SYNE1: variants seen among roughly 807,000 people sequenced by gnomAD.
The protein encoded by SYNE1 is nesprin-1.
In SYNE1, 616 loss-of-function variants were observed where a neutral mutation model predicts 1,111.0. That is an observed-to-expected ratio of 0.55 (90% CI 0.52 to 0.59). SYNE1 has a LOEUF of 0.59. Ranked by LOEUF, SYNE1 falls within the 20% of genes least tolerant of loss-of-function variation. The pLI is 0.00. For missense variants in SYNE1, 10,006 were observed against 10,417.0 expected (o/e 0.96, Z 1.72); for synonymous variants, 3,855 against 3,825.8 (o/e 1.01, Z -0.28).
At chr6:152,526,317 G>A (rs1053748167) in intron 4 of SYNE1, 142 bp from the exon 5 acceptor site, 3 of 811,694 alleles carry the variant, frequency 3.7e-6, no homozygotes, top group South Asian at 1.5e-5. Context: ...TTTGGATTGA[G>A]TTGCCAATTG....
rs1243405232 is a variant in SYNE1 at position 152,316,775 on chromosome 6, GTGT to G, written c.16710+71_16710+73del. 5 of 1,570,530 alleles carry G rather than the reference GTGT, an allele frequency of 3.2e-6. No individual in the cohort carries two copies. The Admixed American group carries it at 6.8e-5, about 21-fold the overall frequency. ...AAAATTTTACATCACAGCCCTCTAAGTGTTGTGTCAGTCTACCCAGTTAAATCA... is the reference window on the plus strand; with the variant it reads ...AAAATTTTACATCACAGCCCTCTAAGTGTGTCAGTCTACCCAGTTAAATCA... On this transcript the variant is annotated intron_variant, in intron 87 of 145. Transcript: ENST00000367255.
At chr6:152,289,832 T>C (rs941081955) in intron 95 of SYNE1, among the ~76,000 whole-genome samples, 6 of 152,058 alleles carry the variant, frequency 3.9e-5, no homozygotes, top group Admixed American at 3.3e-4. Context: ...TTCACCATGT[T>C]AGCCAGGATG....
At chr6:152,362,099 A>G in intron 64 of SYNE1, 71 bp downstream of exon 64, 1 of 1,611,424 alleles carries the variant, frequency 6.2e-7, no homozygotes. Flanking sequence ...ACGTAATCCC[A>G]TTTTTGTCTG....
chr6:152,389,811 G>A (rs930352556), intron 53 of SYNE1, among the ~76,000 whole-genome samples: 4 of 152,116 alleles, frequency 2.6e-5, no homozygotes, highest in Admixed American at 1.3e-4. Flanking sequence ...ATATTCCCTC[G>A]TCACTGTGAC....
intron 3 of SYNE1, among the ~76,000 whole-genome samples, chr6:152,601,909 G>A (rs142242801): frequency 6.6e-6 from 1 of 152,094 alleles, no homozygotes; most frequent in Non-Finnish European, 1.5e-5. Context: ...CATCCCCGGG[G>A]TTCACCTGGC....
intron 4 of SYNE1, among the ~76,000 whole-genome samples, chr6:152,530,889 C>T (rs1219292397): frequency 6.6e-6 from 1 of 152,056 alleles, no homozygotes; most frequent in Non-Finnish European, 1.5e-5. Context: ...TCCCAAAGTG[C>T]TGGGATTACA....
chr6:152,225,723 T>A lies in SYNE1; in HGVS notation c.21349A>T (p.Met7117Leu), dbSNP rs766914765. 2.8e-5 allele frequency: 45 copies of A among 1,614,044 alleles called. No individual in the cohort carries two copies. The highest frequency in any genetic ancestry group is 3.6e-5 in the Non-Finnish European group (42 of 1,180,012). The change falls in exon 116 of 146, where the codon ATG (methionine) becomes TTG (leucine). Residue 7117 changes from methionine (M) to leucine (L), a missense_variant and splice_region_variant. Met to Leu is a conservative substitution (Grantham distance 15). This residue lies in a region of SYNE1 where 2,182 missense variants were observed against 2,287.8 expected (regional missense o/e 0.95). Coordinates refer to ENST00000367255, the MANE Select transcript of SYNE1 (RefSeq NM_182961.4). ...LGQTWANLDH[M>L]VGQLKILLKS... ...TGGCTTTCTGTGAGCAATATTACCA[T>A]GTGATCTAAATTTGCCCAGGTTTGG...
rs769161116 is a variant in SYNE1, at chr6:152,353,394, C to G, written c.11122G>C (p.Glu3708Gln). 12 of 1,614,156 alleles carry G rather than the reference C, an allele frequency of 7.4e-6. No homozygotes were observed. Among genetic ancestry groups the G allele is most frequent in the Non-Finnish European group, 1.0e-5 (12 of 1,180,026 alleles). Residue 3708 changes from glutamate to glutamine, a missense_variant, in exon 69 of 146, where the codon GAG becomes CAG. Glu to Gln is a conservative substitution (Grantham distance 29, BLOSUM62 2). This residue lies in a region of SYNE1 where 4,955 missense variants were observed against 5,017.2 expected (regional missense o/e 0.99). Transcript: ENST00000367255. ...KFLEEEIQSL[E>Q]ESESSLSSYS... ...GAACTGAGGGATGATTCTGATTCCT[C>G]CAAACTCTGAATCTCCTCCTCCAGG...
intron 2 of SYNE1, among the ~76,000 whole-genome samples, chr6:152,632,964 A>G (rs775316469): frequency 6.6e-6 from 1 of 152,152 alleles, no homozygotes; most frequent in Non-Finnish European, 1.5e-5. Flanking sequence ...TTCCAAAACC[A>G]ATAGCAGCAC....
chr6:152,555,940 C>T (rs1256391823), intron 3 of SYNE1, among the ~76,000 whole-genome samples: 1 of 152,140 alleles, frequency 6.6e-6, no homozygotes, highest in African/African-American at 2.4e-5. Context: ...GTTCAGCTAC[C>T]TATGTCCTGA....
rs760345336 is a variant in SYNE1 at position 152,425,364 on chromosome 6, T to C, written c.5267+17A>G. 23 of 1,612,410 alleles carry C rather than the reference T, an allele frequency of 1.4e-5. No homozygotes were observed. The highest frequency in any genetic ancestry group is 2.0e-5 in the Non-Finnish European group (23 of 1,178,648). Reference sequence around the variant, plus strand: ...AACAAATGAACAATATTAGAAGATTTATCTTTTAGAACCAACCTTTTGTTA... The same window carrying C: ...AACAAATGAACAATATTAGAAGATTCATCTTTTAGAACCAACCTTTTGTTA... On this transcript the variant is annotated intron_variant, in intron 39 of 145. Coordinates refer to ENST00000367255, the MANE Select transcript of SYNE1 (RefSeq NM_182961.4).
At chr6:152,293,777 T>A in intron 94 of SYNE1, 28 bp from the exon 95 acceptor site, 2 of 1,613,858 alleles carry the variant, frequency 1.2e-6, no homozygotes, top group Non-Finnish European at 1.7e-6. Context: ...TATTACCAAA[T>A]GCTTCCCAGC....
In SYNE1 at chr6:152,326,306, G is replaced by T. The variant is rs1318223069; in HGVS notation, c.15283C>A (p.Leu5095Ile). Residue 5095 changes from leucine to isoleucine, a missense_variant, in exon 79 of 146, where the codon CTC becomes ATC. By Grantham distance (5) the Leu-to-Ile change is conservative. Transcript: ENST00000367255. Reference sequence around the variant, plus strand: ...AACATCCTGAAATACCTCTGCAAGAGATCCACTTGGGCACCAGAGTCCCGG... The same window carrying T: ...AACATCCTGAAATACCTCTGCAAGATATCCACTTGGGCACCAGAGTCCCGG... ...MSRDSGAQVD[L>I]LQRCTAQWHD... is the part of the protein sequence containing the mutation. 1.9e-6 allele frequency: 3 copies of T among 1,614,016 alleles called. No homozygotes were observed. Among genetic ancestry groups the T allele is most frequent in the African/African-American group, 1.3e-5 (1 of 74,916 alleles).
chr6:152,143,979 G>C (rs970393526), intron 137 of SYNE1: 24 of 635,336 alleles, frequency 3.8e-5, no homozygotes, highest in Middle Eastern at 8.7e-4. Flanking sequence ...AGCCCTAGCA[G>C]ATCGGACGTC....
intron 25 of SYNE1, 134 bp downstream of exon 25, chr6:152,453,443 CAGTTTTTTG>C (rs2098667937): frequency 8.6e-7 from 1 of 1,165,332 alleles, no homozygotes; most frequent in Non-Finnish European, 1.3e-6. Flanking sequence ...TATTTAAGTC[CAGTTTTTTG>C]AGTTTTTAAA....
At chr6:152,394,709 G>T (rs146110590) in intron 51 of SYNE1, among the ~76,000 whole-genome samples, 3,424 of 151,964 alleles carry the variant, frequency 0.023, 50 homozygotes, top group Non-Finnish European at 0.035. Flanking sequence ...TGGGTGGGTG[G>T]GAAATGGAAC....
intron 4 of SYNE1, among the ~76,000 whole-genome samples, chr6:152,536,468 C>A (rs2099243208): frequency 6.6e-5 from 7 of 106,374 alleles, no homozygotes; most frequent in African/African-American, 1.8e-4. Context: ...TATATATATA[C>A]AATATATATA....
Position 152,201,814 on chromosome 6 carries a change from A to G in SYNE1, c.23145+10T>C, listed in dbSNP as rs762219918. On this transcript the variant is annotated intron_variant, in intron 127 of 145. Coordinates refer to ENST00000367255, the MANE Select transcript of SYNE1 (RefSeq NM_182961.4). ...CAGGTGACGGTGAAAATCTCAGTTCAGTAATTTACCTTGCAACGCATTTGT... is the reference window on the plus strand; with the variant it reads ...CAGGTGACGGTGAAAATCTCAGTTCGGTAATTTACCTTGCAACGCATTTGT... 6.8e-6 allele frequency: 11 copies of G among 1,613,810 alleles called. No homozygotes were observed. The Admixed American group carries it at 1.5e-4, about 22-fold the overall frequency.
chr6:152,291,819 C>T (rs767705792), intron 95 of SYNE1, among the ~76,000 whole-genome samples: 7 of 152,152 alleles, frequency 4.6e-5, no homozygotes, highest in African/African-American at 1.2e-4. Flanking sequence ...TCTGCAACAT[C>T]GTCATCTGAT....
Sources: gnomAD v4.1 joint callset for allele counts (sites outside exome capture counted in the v4.1 genomes callset) on GRCh38, gnomAD v4.1.1 for gene constraint, gnomAD v4.1.1 regional missense constraint, MANE v1.5 for transcripts, NCBI Gene and HGNC (gene_info 2026-07-23, HGNC 2026-07-21) for gene names.